FOXP2: variants seen among roughly 807,000 people sequenced by gnomAD.
The protein encoded by FOXP2 is forkhead box P2.
In FOXP2, 12 loss-of-function variants were observed where a neutral mutation model predicts 115.8. The ratio of observed to expected loss-of-function variants is 0.10; its 90% CI spans 0.07 to 0.17. The LOEUF (loss-of-function observed/expected upper bound fraction) is 0.17, where lower values mean the gene tolerates loss of function less well. FOXP2 is among the 10% of genes least tolerant of loss of function. FOXP2 has a pLI of 1.00. For synonymous variants in FOXP2, 328 were observed against 297.7 expected, an observed-to-expected ratio of 1.10 and a Z score of -1.05; for missense variants, 629 against 843.5, an observed-to-expected ratio of 0.75 and a Z score of 3.15.
At chr7:114,439,966 T>A (rs10250107) in intron 2 of FOXP2, among the ~76,000 whole-genome samples, 202 of 152,254 alleles carry the variant, frequency 1.3e-3, no homozygotes, top group African/African-American at 4.5e-3. Flanking sequence ...ACATAATAGA[T>A]CCTCTCACCT....
intron 2 of FOXP2, among the ~76,000 whole-genome samples, chr7:114,377,528 T>C (rs1792171999): frequency 6.6e-6 from 1 of 152,224 alleles, no homozygotes; most frequent in African/African-American, 2.4e-5. Context: ...TTAGTGCTAT[T>C]AGAAATGTGC....
At chr7:114,342,113 G>T (rs1474355856) in intron 2 of FOXP2, among the ~76,000 whole-genome samples, 1 of 151,294 alleles carries the variant, frequency 6.6e-6, no homozygotes, top group Non-Finnish European at 1.5e-5. Context: ...GTTTTTTAAG[G>T]TGTTATTGCT....
chr7:114,374,487 A>T (rs184520762), intron 2 of FOXP2, among the ~76,000 whole-genome samples: 1 of 152,310 alleles, frequency 6.6e-6, no homozygotes, highest in African/African-American at 2.4e-5. Context: ...CAAAATGGTC[A>T]ACTAGAGACT....
intron 16 of FOXP2, among the ~76,000 whole-genome samples, chr7:114,687,461 A>C (rs1808426604): frequency 6.6e-6 from 1 of 152,172 alleles, no homozygotes; most frequent in African/African-American, 2.4e-5. Context: ...TTAAATACTA[A>C]ATGACTCATC....
intron 1 of FOXP2, among the ~76,000 whole-genome samples, chr7:114,262,598 G>A (rs530571132): frequency 1.7e-3 from 255 of 152,110 alleles, no homozygotes; most frequent in Non-Finnish European, 2.7e-3. Context: ...TAGCCACACA[G>A]GGTTGCTGAG....
chr7:114,331,844 G>A (rs1367444439), intron 2 of FOXP2, among the ~76,000 whole-genome samples: 1 of 151,602 alleles, frequency 6.6e-6, no homozygotes, highest in Non-Finnish European at 1.5e-5. Context: ...TGGGGTTTTC[G>A]CCATGTTTGC....
intron 1 of FOXP2, among the ~76,000 whole-genome samples, chr7:114,421,853 G>A (rs923101631): frequency 6.6e-6 from 1 of 151,662 alleles, no homozygotes; most frequent in Non-Finnish European, 1.5e-5. Context: ...TATGCATGGT[G>A]CCTATGATGA....
chr7:114,629,906 A>ACAG lies in FOXP2; in HGVS notation c.507_509dup (p.Gln191dup), dbSNP rs750890839. 9 of 1,612,438 alleles carry ACAG rather than the reference A, an allele frequency of 5.6e-6. No homozygotes were observed. The highest frequency in any genetic ancestry group is 2.5e-6 in the Non-Finnish European group (3 of 1,179,518). On this transcript the variant is annotated inframe_insertion, in exon 5 of 17. Coordinates refer to ENST00000350908, the MANE Select transcript of FOXP2 (RefSeq NM_014491.4). ...AGCAGCAGCAACAACAGCAGCAACA[A>ACAG]CAGCAGCAGCAACAACAACAACAAC...
At chr7:114,628,745 A>G (rs778143718) in intron 4 of FOXP2, 68 bp downstream of exon 4, 4 of 1,594,472 alleles carry the variant, frequency 2.5e-6, no homozygotes, top group Non-Finnish European at 2.6e-6. Flanking sequence ...TTGAAAGTGC[A>G]GTGGGCATAT....
chr7:114,217,244 A>G (rs761647822), intron 1 of FOXP2, among the ~76,000 whole-genome samples: 1 of 152,214 alleles, frequency 6.6e-6, no homozygotes, highest in Non-Finnish European at 1.5e-5. Flanking sequence ...CTTGAAGAAT[A>G]GCATTTATTT....
At chr7:114,350,129 T>G (rs1224447900) in intron 2 of FOXP2, among the ~76,000 whole-genome samples, 1 of 152,122 alleles carries the variant, frequency 6.6e-6, no homozygotes. Context: ...ATGGATGTTT[T>G]TATTTTTATT....
intron 1 of FOXP2, among the ~76,000 whole-genome samples, chr7:114,117,302 A>G (rs1321177445): frequency 6.6e-6 from 1 of 151,568 alleles, no homozygotes; most frequent in Non-Finnish European, 1.5e-5. Context: ...GCTCACTGCA[A>G]TCTCTGCTTC....
intron 2 of FOXP2, chr7:114,499,060 A>G (rs1266183908): frequency 3.4e-6 from 2 of 585,572 alleles, no homozygotes; most frequent in Admixed American, 2.8e-5. Flanking sequence ...TGAATCAGAA[A>G]CCCTGGGGTT....
intron 3 of FOXP2, chr7:114,570,850 C>T: frequency 6.2e-7 from 1 of 1,612,054 alleles, no homozygotes; most frequent in Non-Finnish European, 8.5e-7. Flanking sequence ...GGCCACTCTT[C>T]TGGTGATGGG....
At chr7:114,375,643 A>C (rs896369435) in intron 2 of FOXP2, among the ~76,000 whole-genome samples, 1 of 152,186 alleles carries the variant, frequency 6.6e-6, no homozygotes, top group Non-Finnish European at 1.5e-5. Context: ...ATTAACTTAG[A>C]TAAGAGATCC....
intron 16 of FOXP2, among the ~76,000 whole-genome samples, chr7:114,682,327 A>T (rs1808127969): frequency 6.6e-6 from 1 of 152,146 alleles, no homozygotes; most frequent in Admixed American, 6.6e-5. Context: ...CCACACTTAG[A>T]AGTTAATCAA....
At chr7:114,306,031 A>C (rs1797006974) in intron 2 of FOXP2, among the ~76,000 whole-genome samples, 1 of 151,700 alleles carries the variant, frequency 6.6e-6, no homozygotes, top group African/African-American at 2.4e-5. Context: ...TCTTCATGAA[A>C]AATAATCTAA....
In FOXP2 at chr7:114,372,711, G is replaced by GT. The variant is rs142719729; in HGVS notation, c.-10-53782dup. 4.3e-3 allele frequency among the ~76,000 whole-genome samples: 648 copies of GT among 150,394 alleles called. 1 individual carries two copies. The highest frequency in any genetic ancestry group is 0.013 in the African/African-American group (522 of 40,950). On this transcript the variant is annotated intron_variant, in intron 2 of 17. Transcript: ENST00000634411. ...AGCTCCTATTCATTTCACTGTTAGGGTTTTTTTTTGGTTTTTTTGTTTTGT... is the reference window on the plus strand; with the variant it reads ...AGCTCCTATTCATTTCACTGTTAGGGTTTTTTTTTTGGTTTTTTTGTTTTGT...
intron 1 of FOXP2, among the ~76,000 whole-genome samples, chr7:114,220,480 A>G (rs1202143903): frequency 3.3e-5 from 5 of 152,314 alleles, no homozygotes; most frequent in Admixed American, 6.5e-5. Flanking sequence ...TTGAAAATGT[A>G]CTATTCTGTT....
Sources: gnomAD v4.1 joint callset for allele counts (sites outside exome capture counted in the v4.1 genomes callset) on GRCh38, gnomAD v4.1.1 for gene constraint, MANE v1.5 for transcripts, NCBI Gene and HGNC (gene_info 2026-07-23, HGNC 2026-07-21) for gene names.